The following CEP192 variants were observed in gnomAD, a reference collection of about 807,000 sequenced individuals.
The protein encoded by CEP192 is centrosomal protein of 192 kDa.
CEP192 carries 151 observed loss-of-function variants against 271.8 expected under a neutral mutation model. The ratio of observed to expected loss-of-function variants is 0.56; its 90% CI spans 0.49 to 0.64. CEP192 has a LOEUF of 0.64. Among genes scored for constraint, CEP192 ranks in the 30% least tolerant of loss-of-function variants. The probability of loss-of-function intolerance (pLI) is 0.00; values close to 1 mark genes in which losing one functional copy is unlikely to be tolerated. For missense variants in CEP192, 2,910 were observed against 3,020.5 expected (o/e 0.96, Z 0.86); for synonymous variants, 995 against 1,076.5 (o/e 0.92, Z 1.48).
intron 30 of CEP192, among the ~76,000 whole-genome samples, chr18:13,076,447 AC>A (rs1207240393): frequency 6.6e-6 from 1 of 151,806 alleles, no homozygotes; most frequent in Non-Finnish European, 1.5e-5. Flanking sequence ...TGATCTCTTG[AC>A]CTCGTGATCC....
At chr18:13,086,904 A>G in intron 30 of CEP192, 113 bp from the exon 31 acceptor site, 1 of 738,974 alleles carries the variant, frequency 1.4e-6, no homozygotes, top group East Asian at 2.7e-5. Flanking sequence ...AAGTACACAA[A>G]CATTTAAATT....
chr18:13,075,838 G>C (rs1395308799), intron 30 of CEP192, among the ~76,000 whole-genome samples: 4 of 152,176 alleles, frequency 2.6e-5, no homozygotes, highest in Non-Finnish European at 5.9e-5. Flanking sequence ...TTACTTGCTG[G>C]TCAGTGGTAG....
At chr18:13,066,963 C>CTGTG (rs56795701) in intron 21 of CEP192, among the ~76,000 whole-genome samples, 13,664 of 143,384 alleles carry the variant, frequency 0.095, 707 homozygotes, top group Middle Eastern at 0.18. Flanking sequence ...GTGAGCACGT[C>CTGTG]TGTGTGTGTG....
At chr18:13,094,794 C>G (rs896965713) in intron 34 of CEP192, among the ~76,000 whole-genome samples, 6 of 148,090 alleles carry the variant, frequency 4.1e-5, no homozygotes, top group Non-Finnish European at 7.4e-5. Flanking sequence ...AATGAGCTTA[C>G]TGTGAAGCCT....
At chr18:13,000,098 T>C (rs1403631758) in intron 2 of CEP192, among the ~76,000 whole-genome samples, 4,242 of 97,452 alleles carry the variant, frequency 0.044, 246 homozygotes, top group Middle Eastern at 0.073. Flanking sequence ...TCTCTTTTTT[T>C]TTTTTTTTTT....
intron 36 of CEP192, among the ~76,000 whole-genome samples, chr18:13,097,661 T>A (rs2039469048): frequency 6.6e-6 from 1 of 150,510 alleles, no homozygotes; most frequent in South Asian, 2.1e-4. Flanking sequence ...TTTTTTTTTT[T>A]TTATTGATCA....
chr18:13,074,253 G>C (rs1403563699), intron 30 of CEP192, among the ~76,000 whole-genome samples: 2 of 152,226 alleles, frequency 1.3e-5, no homozygotes, highest in Non-Finnish European at 2.9e-5. Flanking sequence ...TGGAGCTTGA[G>C]CTCTGTGTCC....
intron 12 of CEP192, among the ~76,000 whole-genome samples, chr18:13,037,978 T>C (rs1186565328): frequency 6.6e-6 from 1 of 152,172 alleles, no homozygotes; most frequent in African/African-American, 2.4e-5. Flanking sequence ...TATGATAGTG[T>C]TTAATGAAGC....
Position 13,069,848 on chromosome 18 carries a change from C to G in CEP192, c.5166C>G (p.Cys1722Trp). The G allele has an allele frequency of 6.4e-7, 1 of 1,562,480 alleles. No homozygotes were observed. Among genetic ancestry groups the G allele is most frequent in the South Asian group, 1.1e-5 (1 of 89,906 alleles). Residue 1722 changes from cysteine to tryptophan, a missense_variant, in exon 27 of 45, where the codon TGC becomes TGG. Coordinates refer to ENST00000506447, the MANE Select transcript of CEP192 (RefSeq NM_032142.4). Reference sequence around the variant, plus strand: ...TTACTCCAAAGGATCCTGAAGCCTGCGAGGAAAGGTAATATAAAAATGTTA... The same window carrying G: ...TTACTCCAAAGGATCCTGAAGCCTGGGAGGAAAGGTAATATAAAAATGTTA... ...VSFTPKDPEACEERILKIFVQ... is the reference protein window; with the variant it reads ...VSFTPKDPEAWEERILKIFVQ...
intron 1 of CEP192, 44 bp downstream of exon 1, chr18:12,991,481 G>T (rs1305795856): frequency 6.6e-6 from 1 of 152,560 alleles, no homozygotes; most frequent in Admixed American, 6.5e-5. Context: ...TAGGCGGGAG[G>T]CAGACGCATG....
Position 13,080,537 on chromosome 18 carries a change from G to T in CEP192, c.5617-6480G>T, listed in dbSNP as rs977713847. 3.3e-5 allele frequency among the ~76,000 whole-genome samples: 5 copies of T among 152,168 alleles called. No homozygotes were observed. In the East Asian group the frequency reaches 5.8e-4, roughly 18 times the overall value. ...GCTTATCAGCTTAAGGAGATTTTGG[G>T]CTGAGACGATGGGGTTTTCTAGATA... On this transcript the variant is annotated intron_variant, in intron 30 of 44. Coordinates refer to ENST00000506447, the MANE Select transcript of CEP192 (RefSeq NM_032142.4).
intron 1 of CEP192, among the ~76,000 whole-genome samples, chr18:12,996,974 A>G (rs1463359639): frequency 6.6e-6 from 1 of 152,080 alleles, no homozygotes; most frequent in East Asian, 1.9e-4. Context: ...GAGCATGGAT[A>G]GGTGTGGTGG....
chr18:13,007,905 CT>C (rs1291684523), intron 3 of CEP192, among the ~76,000 whole-genome samples: 2 of 152,236 alleles, frequency 1.3e-5, no homozygotes, highest in Non-Finnish European at 2.9e-5. Flanking sequence ...CCACCCCTCT[CT>C]TTCTGTGGTG....
Position 13,099,504 on chromosome 18 carries a change from A to G in CEP192, c.6586A>G (p.Asn2196Asp). The G allele has an allele frequency of 1.3e-6, 2 of 1,595,694 alleles. No homozygotes were observed. The highest frequency in any genetic ancestry group is 1.7e-6 in the Non-Finnish European group (2 of 1,170,292). The change falls in exon 37 of 45, where the codon AAT (asparagine) becomes GAT (aspartate). Residue 2196 changes from asparagine to aspartate, a missense_variant. Coordinates refer to ENST00000506447, the MANE Select transcript of CEP192 (RefSeq NM_032142.4). ...TAAACTACAAATTCTTGTGAGTCCT[A>G]ATTCCTCCTTATCCACAAAACAGTC... The part of the protein sequence containing the change: ...ESKLQILVSP[N>D]SSLSTKQSMF...
At chr18:13,099,157 G>C (rs2039579770) in intron 36 of CEP192, among the ~76,000 whole-genome samples, 1 of 149,164 alleles carries the variant, frequency 6.7e-6, no homozygotes, top group African/African-American at 2.5e-5. Flanking sequence ...CTCGGCATCA[G>C]AGGGAGACCA....
At chr18:13,037,119 T>G in intron 11 of CEP192, 118 bp from the exon 12 acceptor site, 1 of 611,874 alleles carries the variant, frequency 1.6e-6, no homozygotes, top group Non-Finnish European at 2.9e-6. Flanking sequence ...GAGTGCAAGC[T>G]TTTACATACT....
chr18:13,113,808 T>C lies in CEP192; in HGVS notation c.7167+103T>C, dbSNP rs548433220. On this transcript the variant is annotated intron_variant, in intron 41 of 44. Transcript: ENST00000506447. ...CCTGAAAATGCAGAATATAGCCCCA[T>C]AATCTTAATTTTCTTGTTTGTCTTT... 52 of 1,054,688 alleles carry C rather than the reference T, an allele frequency of 4.9e-5. No homozygotes were observed. In the South Asian group the frequency reaches 8.1e-4, roughly 16 times the overall value. The allele number at this position is 1,054,688 out of a possible 1,614,324, so 65.3% of individuals were successfully genotyped here.
intron 4 of CEP192, among the ~76,000 whole-genome samples, chr18:13,011,609 TG>T (rs1050155275): frequency 2.0e-5 from 3 of 152,150 alleles, no homozygotes; most frequent in Non-Finnish European, 4.4e-5. Flanking sequence ...CTCTGCCTCT[TG>T]AGATCCAGTG....
rs574076819 is a variant in CEP192 at position 13,055,585 on chromosome 18, AAAC to A, written c.3190-189_3190-187del. On this transcript the variant is annotated intron_variant, in intron 18 of 44. Coordinates refer to ENST00000506447, the MANE Select transcript of CEP192 (RefSeq NM_032142.4). Reference sequence around the variant, plus strand: ...TCCTCATGGTATAATTCTTTTTACAAAACAACAAGCACAAATTTTCTAATTTAA... The same window carrying A: ...TCCTCATGGTATAATTCTTTTTACAAAACAAGCACAAATTTTCTAATTTAA... 4.2e-3 allele frequency among the ~76,000 whole-genome samples: 644 copies of A among 152,344 alleles called. 4 individuals are homozygous for A. Among genetic ancestry groups the A allele is most frequent in the Middle Eastern group, 0.017 (5 of 294 alleles).
Sources: gnomAD v4.1 joint callset for allele counts (sites outside exome capture counted in the v4.1 genomes callset) on GRCh38, gnomAD v4.1.1 for gene constraint, MANE v1.5 for transcripts, NCBI Gene and HGNC (gene_info 2026-07-23, HGNC 2026-07-21) for gene names.